The following TEDC2 variants were observed in gnomAD, a reference collection of about 807,000 sequenced individuals.
The protein encoded by TEDC2 is tubulin epsilon and delta complex protein 2.
Under a neutral mutation model 48.1 loss-of-function variants are expected in TEDC2, and 49 were observed. That is an observed-to-expected ratio of 1.02 (90% confidence interval 0.81 to 1.29). The LOEUF is 1.29. Among genes scored for constraint, TEDC2 ranks in the 50% most tolerant of loss-of-function variants. TEDC2 has a pLI of 0.00. For missense variants in TEDC2, 631 were observed against 571.4 expected (o/e 1.10, Z -1.06); for synonymous variants, 299 against 247.1 (o/e 1.21, Z -1.97).
intron 8 of TEDC2, among the ~76,000 whole-genome samples, chr16:2,463,382 T>G (rs2065479683): frequency 2.0e-5 from 3 of 151,824 alleles, no homozygotes; most frequent in Non-Finnish European, 2.9e-5. Context: ...ATCCCAGCAC[T>G]TTGGGAGGCC....
In TEDC2 at chr16:2,460,833, C is replaced by T. The variant is rs1359766353; in HGVS notation, c.214C>T (p.Gln72Ter). Residue 72 changes from glutamine to a stop codon, truncating the protein, a stop_gained, in exon 4 of 10, where the codon CAA becomes TAA. Transcript: ENST00000361837. LOFTEE classifies it high-confidence loss of function. The stretch of plus-strand genomic sequence containing the variant: ...TTTCACAGCATGCACACCCAGTCCA[C>T]AAGACCTCAAAGAGTTGGAGTTTCT... ...DPLPACTPSP[Q>*]DLKELEFLTQ... 2 of 1,612,806 alleles carry T rather than the reference C, an allele frequency of 1.2e-6. No individual in the cohort carries two copies. Among genetic ancestry groups the T allele is most frequent in the South Asian group, 2.2e-5 (2 of 91,084 alleles).
In TEDC2 at chr16:2,464,572, G is replaced by A. The variant is rs1235448416; in HGVS notation, c.1206G>A (p.Gly402=). 2 of 1,606,758 alleles carry A rather than the reference G, an allele frequency of 1.2e-6. No individual in the cohort carries two copies. Among genetic ancestry groups the A allele is most frequent in the African/African-American group, 1.3e-5 (1 of 75,014 alleles). The stretch of plus-strand genomic sequence containing the variant: ...TGGTAAGCGCTGCACAGCCGCAGGG[G>A]CCGCCCTGGCTGGCCCTGTGCCGGG... ...LPLVSAAQPQ[G]PPWLALCRAV... Residue 402 remains glycine (G), a synonymous_variant, in exon 10 of 10, where the codon GGG becomes GGA. Coordinates refer to ENST00000361837, the MANE Select transcript of TEDC2 (RefSeq NM_025108.3).
chr16:2,461,928 T>G, intron 5 of TEDC2, 128 bp downstream of exon 5: 1 of 1,302,256 alleles, frequency 7.7e-7, no homozygotes, highest in Non-Finnish European at 1.1e-6. Context: ...TCACTGTCGA[T>G]GTTAAAAATC....
At position 2,464,537 on chromosome 16, in the gene TEDC2, C is replaced by T; in HGVS notation, c.1171C>T (p.Leu391Phe). 1 of 1,576,852 alleles carries T rather than the reference C, an allele frequency of 6.3e-7. No homozygotes were observed. The stretch of plus-strand genomic sequence containing the variant: ...CTGCCCCCAGGTCCTGATGGCTGAA[C>T]TCCTCCCCCTGGTAAGCGCTGCACA... ...IHLEKVLMAE[L>F]LPLVSAAQPQ... Residue 391 changes from leucine to phenylalanine, a missense_variant, in exon 10 of 10, where the codon CTC becomes TTC. Coordinates refer to ENST00000361837, the MANE Select transcript of TEDC2 (RefSeq NM_025108.3).
In TEDC2 at chr16:2,462,526, G is replaced by A. The variant is rs1279006908; in HGVS notation, c.862G>A (p.Ala288Thr). The A allele has an allele frequency of 1.3e-6, 2 of 1,594,606 alleles. No homozygotes were observed. The highest frequency in any genetic ancestry group is 1.3e-5 in the African/African-American group (1 of 74,784). Residue 288 changes from alanine to threonine, a missense_variant and splice_region_variant, in exon 7 of 10, where the codon GCC becomes ACC. By Grantham distance (58) the Ala-to-Thr change is moderately conservative (BLOSUM62 0). Transcript: ENST00000361837. ...GCGCATGAGGGAGGAGCTCTCGGCA[G>A]GTCAGTGGGTCCTGGGTCTGTATCA... Reference protein sequence around the residue: ...RLRMREELSAAPMDWMQEYRC... With the variant: ...RLRMREELSATPMDWMQEYRC...
intron 4 of TEDC2, 104 bp from the exon 5 acceptor site, chr16:2,461,643 A>T: frequency 7.1e-7 from 1 of 1,407,718 alleles, no homozygotes; most frequent in South Asian, 1.2e-5. Flanking sequence ...CGGGTGTGGG[A>T]GAGGGGCAAG....
At chr16:2,464,329 T>TG in intron 9 of TEDC2, 100 bp downstream of exon 9, 1 of 1,454,686 alleles carries the variant, frequency 6.9e-7, no homozygotes, top group Non-Finnish European at 9.3e-7. Context: ...CCCAGGAGGA[T>TG]GGGGGCAAGC....
intron 8 of TEDC2, 28 bp downstream of exon 8, chr16:2,462,760 T>C: frequency 6.6e-7 from 1 of 1,514,502 alleles, no homozygotes; most frequent in South Asian, 1.2e-5. Context: ...CCCTGCCACC[T>C]GCACTGAGGT....
rs2065455212 is a variant in TEDC2 at position 2,460,120 on chromosome 16, A to G, written c.-25A>G. 7.6e-7 allele frequency: 1 copy of G among 1,307,544 alleles called. No homozygotes were observed. The highest frequency in any genetic ancestry group is 1.6e-5 in the African/African-American group (1 of 63,428). The allele number at this position is 1,307,544 out of a possible 1,614,324, so 81.0% of individuals were successfully genotyped here. On this transcript the variant is annotated 5_prime_UTR_variant, in exon 1 of 10. Coordinates refer to ENST00000361837, the MANE Select transcript of TEDC2 (RefSeq NM_025108.3). ...GGGCGTGGCTCTTCAGAGGCGGCAA[A>G]TTGCAAGGAGACGCCGCCGCCTTCA...
chr16:2,462,758 C>T, intron 8 of TEDC2, 26 bp downstream of exon 8: 1 of 1,520,738 alleles, frequency 6.6e-7, no homozygotes, highest in Non-Finnish European at 8.8e-7. Context: ...CACCCTGCCA[C>T]CTGCACTGAG....
At position 2,462,213 on chromosome 16, in the gene TEDC2, C is replaced by A; in HGVS notation, c.724C>A (p.Gln242Lys). The change falls in exon 6 of 10, where the codon CAG becomes AAG. Residue 242 changes from glutamine to lysine, a missense_variant. Coordinates refer to ENST00000361837, the MANE Select transcript of TEDC2 (RefSeq NM_025108.3). ...DSTDAAAAKT[Q>K]FLQNMQTASG... ...CACGGATGCCGCCGCTGCCAAAACC[C>A]AGTTCCTCCAGAACATGCAGACAGC... The A allele has an allele frequency of 6.2e-7, 1 of 1,613,448 alleles. No individual in the cohort carries two copies. The highest frequency in any genetic ancestry group is 8.5e-7 in the Non-Finnish European group (1 of 1,180,024).
At chr16:2,460,451 G>C in intron 2 of TEDC2, 70 bp downstream of exon 2, 2 of 1,519,854 alleles carry the variant, frequency 1.3e-6, no homozygotes, top group Admixed American at 2.2e-5. Context: ...AGCGCCCAGG[G>C]CTGGGAGACC....
chr16:2,462,094 T>C, intron 5 of TEDC2, 55 bp from the exon 6 acceptor site: 1 of 1,576,320 alleles, frequency 6.3e-7, no homozygotes, highest in South Asian at 1.1e-5. Context: ...GCTTACTGGC[T>C]GGAATAACCG....
chr16:2,460,563 G>C lies in TEDC2; in HGVS notation c.126-60G>C, dbSNP rs959112021. The stretch of plus-strand genomic sequence containing the variant: ...TGCCGCGGGGCCCGGCGGCCCCCTC[G>C]GGTCTGTTTGGGCTGGGCCCTGCCT... On this transcript the variant is annotated intron_variant, in intron 2 of 9. Coordinates refer to ENST00000361837, the MANE Select transcript of TEDC2 (RefSeq NM_025108.3). 1.4e-5 allele frequency: 23 copies of C among 1,598,026 alleles called. No individual in the cohort carries two copies. In the Admixed American group the frequency reaches 1.9e-4, roughly 13 times the overall value.
At chr16:2,460,419 G>C (rs979341469) in intron 2 of TEDC2, 38 bp downstream of exon 2, 3 of 1,540,878 alleles carry the variant, frequency 1.9e-6, no homozygotes, top group Admixed American at 2.0e-5. Flanking sequence ...GACCTCCCTC[G>C]GGCCCTCAGA....
rs2065471447 is a variant in TEDC2 at position 2,462,257 on chromosome 16, G to A, written c.750+18G>A. 5 of 1,612,446 alleles carry A rather than the reference G, an allele frequency of 3.1e-6. No individual in the cohort carries two copies. The East Asian group carries it at 1.1e-4, about 36-fold the overall frequency. ...AGACAGCTGTATCCTTGCTGGGCTT[G>A]TGGGAGCCCTGGGGGCCTCTAGCTC... On this transcript the variant is annotated intron_variant, in intron 6 of 9. Coordinates refer to ENST00000361837, the MANE Select transcript of TEDC2 (RefSeq NM_025108.3).
rs1188115272 is a variant in TEDC2 at position 2,462,505 on chromosome 16, A to G, written c.841A>G (p.Met281Val). ...GGCCTGCTCGCTGCTGAGACTGCGC[A>G]TGAGGGAGGAGCTCTCGGCAGGTCA... ...RKACSLLRLR[M>V]REELSAAPMD... Residue 281 changes from methionine to valine, a missense_variant, in exon 7 of 10, where the codon ATG becomes GTG. Transcript: ENST00000361837. 11 of 1,605,898 alleles carry G rather than the reference A, an allele frequency of 6.8e-6. No homozygotes were observed. The highest frequency in any genetic ancestry group is 1.7e-5 in the Admixed American group (1 of 59,180).
intron 3 of TEDC2, 42 bp from the exon 4 acceptor site, chr16:2,460,774 G>A: frequency 6.2e-7 from 1 of 1,611,214 alleles, no homozygotes; most frequent in Non-Finnish European, 8.5e-7. Context: ...CCTCCTGGGG[G>A]ACAGTGGGGA....
In TEDC2 at chr16:2,462,194, T is replaced by C. The variant is rs766735084; in HGVS notation, c.705T>C (p.Asp235=). ...LSSTQTSDST[D]AAAAKTQFLQ... is the part of the protein sequence containing the mutation. ...CCACACAGACCAGTGATTCCACGGA[T>C]GCCGCCGCTGCCAAAACCCAGTTCC... Residue 235 remains aspartate (D), a synonymous_variant, in exon 6 of 10, where the codon GAT becomes GAC. Coordinates refer to ENST00000361837, the MANE Select transcript of TEDC2 (RefSeq NM_025108.3). 1 of 1,613,368 alleles carries C rather than the reference T, an allele frequency of 6.2e-7. No homozygotes were observed. The highest frequency in any genetic ancestry group is 8.5e-7 in the Non-Finnish European group (1 of 1,180,020).
Sources: gnomAD v4.1 joint callset for allele counts (sites outside exome capture counted in the v4.1 genomes callset) on GRCh38, gnomAD v4.1.1 for gene constraint, MANE v1.5 for transcripts, NCBI Gene and HGNC (gene_info 2026-07-23, HGNC 2026-07-21) for gene names.